Variants in USP10 observed in about 807,000 individuals in gnomAD.
The protein encoded by USP10 is ubiquitin specific peptidase 10.
In USP10, 22 loss-of-function variants were observed where a neutral mutation model predicts 84.5. That is an observed-to-expected ratio of 0.26 (90% CI 0.19 to 0.37). The LOEUF (loss-of-function observed/expected upper bound fraction) is 0.37, where lower values mean the gene tolerates loss of function less well. USP10 is among the 10% of genes least tolerant of loss of function. The pLI, the probability that USP10 is intolerant of heterozygous loss-of-function variation, is 1.00. For synonymous variants in USP10, 454 were observed against 387.6 expected (o/e 1.17, Z -2.01); for missense variants, 1,019 against 998.9 (o/e 1.02, Z -0.27).
chr16:84,741,004 A>G (rs866151595), intron 3 of USP10, among the ~76,000 whole-genome samples: 26 of 152,360 alleles, frequency 1.7e-4, no homozygotes, highest in African/African-American at 6.0e-4. Context: ...CCCTTGCACA[A>G]TTCAAACTTG....
rs1034372044 is a variant in USP10 at position 84,705,715 on chromosome 16, C to CTTTT, written c.21+5625_21+5628dup. 5.5e-3 allele frequency among the ~76,000 whole-genome samples: 391 copies of CTTTT among 71,310 alleles called. 2 individuals are homozygous for CTTTT. The highest frequency in any genetic ancestry group is 6.5e-3 in the Non-Finnish European group (267 of 40,966). 46.8% of individuals were successfully genotyped at this position (71,310 alleles called of 152,430 possible). A position where few individuals can be genotyped will look rare whatever the true frequency, so the allele number is the denominator to read the frequency against. On this transcript the variant is annotated intron_variant, in intron 1 of 13. Coordinates refer to ENST00000219473, the MANE Select transcript of USP10 (RefSeq NM_005153.3). ...ACAGACATAATCATGCCCTTGCTTG[C>CTTTT]TTTTTTTTTTTTTTTTTTTTTTTTG...
chr16:84,709,068 A>G (rs1194408956), intron 1 of USP10: 1 of 152,242 alleles, frequency 6.6e-6, no homozygotes, highest in Non-Finnish European at 1.5e-5. Flanking sequence ...TTCAGCAAAT[A>G]GTTACCGAGT....
At position 84,775,145 on chromosome 16, in the gene USP10, T is replaced by TA. The variant is rs748131979; in HGVS notation, c.2144-14dup. On this transcript the variant is annotated splice_polypyrimidine_tract_variant and intron_variant, in intron 12 of 13. Coordinates refer to ENST00000219473, the MANE Select transcript of USP10 (RefSeq NM_005153.3). ...TTCTAAAAGTGCTTCAAGCCATTGA[T>TA]ATTTTGTTTTCCAGAACTGCTTTCT... is the stretch of plus-strand genomic sequence containing the variant. The TA allele has an allele frequency of 1.2e-6, 2 of 1,613,224 alleles. No homozygotes were observed. Among genetic ancestry groups the TA allele is most frequent in the South Asian group, 2.2e-5 (2 of 91,078 alleles).
At chr16:84,761,937 A>G (rs377007932) in intron 8 of USP10, among the ~76,000 whole-genome samples, 1 of 152,210 alleles carries the variant, frequency 6.6e-6, no homozygotes, top group African/African-American at 2.4e-5. Context: ...CAGAGCATGC[A>G]CTCACGTGAA....
intron 4 of USP10, among the ~76,000 whole-genome samples, chr16:84,757,707 A>C (rs976615990): frequency 1.3e-5 from 2 of 152,130 alleles, no homozygotes; most frequent in Non-Finnish European, 2.9e-5. Context: ...TTAGTATACA[A>C]TTTAAAAGTA....
chr16:84,729,842 G>A (rs1412659021), intron 1 of USP10, among the ~76,000 whole-genome samples: 2 of 152,174 alleles, frequency 1.3e-5, no homozygotes, highest in Non-Finnish European at 2.9e-5. Flanking sequence ...TTTGTCAAGT[G>A]TTAAATGATA....
intron 2 of USP10, among the ~76,000 whole-genome samples, chr16:84,735,240 G>GT (rs1555541069): frequency 7.0e-6 from 1 of 142,858 alleles, no homozygotes; most frequent in African/African-American, 2.6e-5. Flanking sequence ...TGTGTGTGGT[G>GT]TGTGTGTTTT....
intron 13 of USP10, among the ~76,000 whole-genome samples, chr16:84,778,091 C>CTGTGTGTGTGTGTGTGTGTGTGTGTGTG (rs113716260): frequency 6.8e-4 from 97 of 143,520 alleles, no homozygotes; most frequent in Non-Finnish European, 1.0e-3. Context: ...AAGTAAATAA[C>CTGTGTGTGTGTGTGTGTGTGTGTGTGTG]TGTGTGTGTG....
rs749760650 is a variant in USP10, at chr16:84,764,136, C to G, written c.1705C>G (p.Gln569Glu). ...AAACCACTCGGTCAATGAAGAAGAG[C>G]AGGAAGAACAAGGTGAAGGAAGCGA... is the stretch of plus-strand genomic sequence containing the variant. ...PKNHSVNEEEQEEQGEGSEDE... is the reference protein window; with the variant it reads ...PKNHSVNEEEEEEQGEGSEDE... Residue 569 changes from glutamine to glutamate, a missense_variant, in exon 10 of 14, where the codon CAG becomes GAG. By Grantham distance (29) the Gln-to-Glu change is conservative (BLOSUM62 2). Coordinates refer to ENST00000219473, the MANE Select transcript of USP10 (RefSeq NM_005153.3). 1.9e-6 allele frequency: 3 copies of G among 1,613,672 alleles called. No homozygotes were observed. The highest frequency in any genetic ancestry group is 1.7e-6 in the Non-Finnish European group (2 of 1,179,820).
At chr16:84,763,417 T>C (rs1029545164) in intron 9 of USP10, among the ~76,000 whole-genome samples, 1 of 152,252 alleles carries the variant, frequency 6.6e-6, no homozygotes, top group Non-Finnish European at 1.5e-5. Flanking sequence ...TGTGTATATA[T>C]ATATATGTCT....
chr16:84,746,296 A>G (rs1597355789), intron 4 of USP10, among the ~76,000 whole-genome samples: 1 of 152,254 alleles, frequency 6.6e-6, no homozygotes, highest in East Asian at 1.9e-4. Flanking sequence ...AAGTTACAGT[A>G]GGAAGTCAGA....
chr16:84,762,424 C>T (rs1027625756), intron 8 of USP10, among the ~76,000 whole-genome samples: 1 of 152,146 alleles, frequency 6.6e-6, no homozygotes, highest in African/African-American at 2.4e-5. Flanking sequence ...GGTGTGGTGG[C>T]TCATGCCTGT....
chr16:84,710,824 C>A (rs183450274), intron 1 of USP10, among the ~76,000 whole-genome samples: 44 of 152,214 alleles, frequency 2.9e-4, no homozygotes, highest in African/African-American at 1.1e-3. Flanking sequence ...GTGAGCAGGT[C>A]CCCAGGCCGT....
chr16:84,735,116 C>T (rs11640943), intron 2 of USP10, among the ~76,000 whole-genome samples: 69,688 of 151,328 alleles, frequency 0.46, 18,163 homozygotes, highest in Non-Finnish European at 0.61. Context: ...AACTTTGACC[C>T]CCCGCCCCGC....
intron 13 of USP10, among the ~76,000 whole-genome samples, chr16:84,778,391 A>G (rs918065455): frequency 1.3e-5 from 2 of 152,220 alleles, no homozygotes; most frequent in African/African-American, 4.8e-5. Context: ...TATTCCACGA[A>G]AAAATAAATT....
At chr16:84,706,898 T>C (rs541787799) in intron 1 of USP10, among the ~76,000 whole-genome samples, 1 of 147,644 alleles carries the variant, frequency 6.8e-6, no homozygotes, top group Non-Finnish European at 1.5e-5. Flanking sequence ...GATCTGATCA[T>C]TGGAGAAGGA....
At position 84,703,240 on chromosome 16, in the gene USP10, G is replaced by A. The variant is rs184791743; in HGVS notation, c.21+3129G>A. Among the ~76,000 whole-genome samples the A allele has an allele frequency of 3.1e-3, 476 of 152,202 alleles. 4 individuals carry two copies. Among genetic ancestry groups the A allele is most frequent in the Admixed American group, 4.8e-3 (74 of 15,288 alleles). On this transcript the variant is annotated intron_variant, in intron 1 of 13. Coordinates refer to ENST00000219473, the MANE Select transcript of USP10 (RefSeq NM_005153.3). Reference sequence around the variant, plus strand: ...GAATATCCTTGTCACTGAGGGGACCGGTTAAATTATTTGGGGTAATTAATT... The same window carrying A: ...GAATATCCTTGTCACTGAGGGGACCAGTTAAATTATTTGGGGTAATTAATT...
chr16:84,764,934 A>AG (rs1913665809), intron 10 of USP10, among the ~76,000 whole-genome samples: 2 of 125,092 alleles, frequency 1.6e-5, no homozygotes, highest in South Asian at 5.8e-4. Context: ...AGAGAGAGAA[A>AG]AAAAAATATA....
intron 4 of USP10, among the ~76,000 whole-genome samples, chr16:84,745,900 TAGCAGTTCTTTTCTGTTGAC>T (rs1442103988): frequency 1.3e-5 from 2 of 152,258 alleles, no homozygotes; most frequent in East Asian, 1.9e-4. Flanking sequence ...CCATGTCTGT[TAGCAGTTCTTTTCTGTTGAC>T]AAGTTACATT....
Sources: gnomAD v4.1 joint callset for allele counts (sites outside exome capture counted in the v4.1 genomes callset) on GRCh38, gnomAD v4.1.1 for gene constraint, MANE v1.5 for transcripts, NCBI Gene and HGNC (gene_info 2026-07-23, HGNC 2026-07-21) for gene names.